RSRP1: variants seen among roughly 807,000 people sequenced by gnomAD.
RSRP1 encodes arginine and serine rich protein 1.
In RSRP1, 37 loss-of-function variants were observed where a neutral mutation model predicts 33.0. The ratio of observed to expected loss-of-function variants is 1.12; its 90% CI spans 0.86 to 1.48. The LOEUF (loss-of-function observed/expected upper bound fraction) is 1.48, where lower values mean the gene tolerates loss of function less well. Among genes scored for constraint, RSRP1 ranks in the 40% most tolerant of loss-of-function variants. RSRP1 has a pLI of 0.00. For synonymous variants in RSRP1, 167 were observed against 158.7 expected, an observed-to-expected ratio of 1.05 and a Z score of -0.40; for missense variants, 402 against 385.3, an observed-to-expected ratio of 1.04 and a Z score of -0.36.
At chr1:25,297,072 AT>A (rs1181276788) in intron 1 of RSRP1, among the ~76,000 whole-genome samples, 6 of 128,728 alleles carry the variant, frequency 4.7e-5, no homozygotes, top group Admixed American at 4.6e-4. Context: ...AAAAATATAT[AT>A]TTTTTGTGGT....
intron 1 of RSRP1, chr1:25,336,957 T>C (rs1297517743): frequency 6.6e-6 from 1 of 152,084 alleles, no homozygotes; most frequent in South Asian, 2.1e-4. Context: ...ACAGTCACCT[T>C]GGTTCCCATC....
chr1:25,285,797 T>C (rs1641933948), intron 1 of RSRP1, among the ~76,000 whole-genome samples: 1 of 135,098 alleles, frequency 7.4e-6, no homozygotes. Context: ...TGTTCAAACC[T>C]CTGAATCCCT....
In RSRP1 at chr1:25,303,770, CTTCT is replaced by C. The variant is rs1318657646; in HGVS notation, c.-67+34204_-67+34207del. Reference sequence around the variant, plus strand: ...GGGGAGCCCCGAAGCCCCTGTTTTACTTCTTTCTTTGCTTTTCCTGAATATCTGC... The same window carrying C: ...GGGGAGCCCCGAAGCCCCTGTTTTACTTCTTTGCTTTTCCTGAATATCTGC... On this transcript the variant is annotated intron_variant, in intron 1 of 1. Transcript: ENST00000561867. 1.1e-4 allele frequency among the ~76,000 whole-genome samples: 14 copies of C among 131,470 alleles called. 2 individuals carry two copies. Among genetic ancestry groups the C allele is most frequent in the Admixed American group, 2.2e-4 (3 of 13,656 alleles). 86.2% of individuals were successfully genotyped at this position (131,470 alleles called of 152,430 possible).
chr1:25,264,145 C>A (rs1269934987), intron 1 of RSRP1, among the ~76,000 whole-genome samples: 1 of 151,888 alleles, frequency 6.6e-6, no homozygotes, highest in Non-Finnish European at 1.5e-5. Flanking sequence ...GTACACGGTG[C>A]AAGCTGTCGG....
Position 25,267,924 on chromosome 1 carries a change from G to T in RSRP1, c.-66-20895C>A. On this transcript the variant is annotated intron_variant, in intron 1 of 1. Coordinates refer to the RSRP1 transcript ENST00000561867. The stretch of plus-strand genomic sequence containing the variant: ...CCCGGGCATGCGCAGACGCGTTGTT[G>T]TGGTGGGCGTGGCTCCCTCCGGACC... 1.5e-5 allele frequency: 2 copies of T among 132,996 alleles called. 1 individual carries two copies. Among genetic ancestry groups the T allele is most frequent in the Non-Finnish European group, 3.6e-5 (2 of 55,986 alleles). 8.2% of individuals were successfully genotyped at this position (132,996 alleles called of 1,614,324 possible).
intron 1 of RSRP1, among the ~76,000 whole-genome samples, chr1:25,260,441 C>T (rs1397846476): frequency 4.0e-5 from 6 of 151,656 alleles, no homozygotes; most frequent in African/African-American, 1.2e-4. Flanking sequence ...ATTTTTTTTT[C>T]CCTACACAGC....
chr1:25,255,108 C>T (rs1182127724), intron 1 of RSRP1, among the ~76,000 whole-genome samples: 1 of 152,170 alleles, frequency 6.6e-6, no homozygotes, highest in African/African-American at 2.4e-5. Context: ...TTATGTTACA[C>T]AAACTTCACA....
At chr1:25,278,964 A>T (rs1174635324) in intron 1 of RSRP1, among the ~76,000 whole-genome samples, 1 of 129,234 alleles carries the variant, frequency 7.7e-6, no homozygotes, top group African/African-American at 2.7e-5. Flanking sequence ...GGTCAACCCT[A>T]GAGCCTGGGA....
rs1411770678 is a variant in RSRP1, at chr1:25,270,240, A to C, written c.-66-23211T>G. Among the ~76,000 whole-genome samples the C allele has an allele frequency of 1.5e-5, 2 of 130,878 alleles. 1 individual carries two copies. The highest frequency in any genetic ancestry group is 5.2e-5 in the African/African-American group (2 of 38,120). The allele number at this position is 130,878 out of a possible 152,430, so 85.9% of individuals were successfully genotyped here. A position where few individuals can be genotyped will look rare whatever the true frequency, so the allele number is the denominator to read the frequency against. ...CCTCCCCCTTAATTGCTGTTGGGGT[A>C]GCAGAGGGCTTAGAAGCCCATGTTC... On this transcript the variant is annotated intron_variant, in intron 1 of 1. Transcript: ENST00000561867.
chr1:25,262,121 G>A (rs567674433), intron 1 of RSRP1, among the ~76,000 whole-genome samples: 15 of 152,238 alleles, frequency 9.9e-5, no homozygotes, highest in African/African-American at 3.6e-4. Context: ...TGATTCTGGG[G>A]ATATATCCAT....
chr1:25,270,887 C>A (rs1281786259), intron 1 of RSRP1, among the ~76,000 whole-genome samples: 1 of 130,996 alleles, frequency 7.6e-6, no homozygotes, highest in Admixed American at 7.5e-5. Context: ...ATGTATAAAG[C>A]AAAATTAACC....
chr1:25,311,548 A>G lies in RSRP1; in HGVS notation c.-67+26430T>C, dbSNP rs532634853. On this transcript the variant is annotated intron_variant, in intron 1 of 1. Transcript: ENST00000561867. Reference sequence around the variant, plus strand: ...TCAAAAAGAAAAAAAAAAGGAAGAAAGAAAATTAGTACACATAGAACAAAG... The same window carrying G: ...TCAAAAAGAAAAAAAAAAGGAAGAAGGAAAATTAGTACACATAGAACAAAG... 5.3e-5 allele frequency among the ~76,000 whole-genome samples: 7 copies of G among 131,330 alleles called. 1 individual carries two copies. Among genetic ancestry groups the G allele is most frequent in the Admixed American group, 5.2e-4 (7 of 13,572 alleles). The allele number at this position is 131,330 out of a possible 152,430, so 86.2% of individuals were successfully genotyped here.
rs1460963124 is a variant in RSRP1 at position 25,305,290 on chromosome 1, G to A, written c.-67+32688C>T. 9.1e-5 allele frequency among the ~76,000 whole-genome samples: 12 copies of A among 132,376 alleles called. 2 individuals are homozygous for A. The highest frequency in any genetic ancestry group is 5.4e-5 in the Non-Finnish European group (3 of 55,982). The allele number at this position is 132,376 out of a possible 152,430, so 86.8% of individuals were successfully genotyped here. The stretch of plus-strand genomic sequence containing the variant: ...GAAACAGACATTCTAAAGGCATAGG[G>A]TCCACCCAGGAGCATGGTGGACCCA... On this transcript the variant is annotated intron_variant, in intron 1 of 1. Coordinates refer to the RSRP1 transcript ENST00000561867.
rs1485135341 is a variant in RSRP1 at position 25,292,323 on chromosome 1, A to G, written c.-66-45294T>C. 1.5e-5 allele frequency among the ~76,000 whole-genome samples: 2 copies of G among 132,876 alleles called. 1 individual carries two copies. Among genetic ancestry groups the G allele is most frequent in the East Asian group, 3.9e-4 (2 of 5,132 alleles). The allele number at this position is 132,876 out of a possible 152,430, so 87.2% of individuals were successfully genotyped here. A position where few individuals can be genotyped will look rare whatever the true frequency, so the allele number is the denominator to read the frequency against. ...TTAAGATACTCTGGCTTCTGGGTTC[A>G]GAAAAGACTGAAGGGGCAAGAGAGG... On this transcript the variant is annotated intron_variant, in intron 1 of 1. Coordinates refer to the RSRP1 transcript ENST00000561867.
upstream of RSRP1, among the ~76,000 whole-genome samples, chr1:25,250,762 G>A (rs56899010): frequency 0.029 from 4,371 of 152,248 alleles, 216 homozygotes; most frequent in African/African-American, 0.099. Flanking sequence ...TGTAATCCCA[G>A]CACTTTGGGA....
At chr1:25,313,473 G>C (rs1307551413) in intron 1 of RSRP1, among the ~76,000 whole-genome samples, 1 of 132,778 alleles carries the variant, frequency 7.5e-6, no homozygotes, top group Non-Finnish European at 1.8e-5. Flanking sequence ...CATCCAGGTT[G>C]TTAAGCATTG....
intron 1 of RSRP1, among the ~76,000 whole-genome samples, chr1:25,256,746 T>C (rs1369436503): frequency 6.6e-6 from 1 of 152,160 alleles, no homozygotes; most frequent in South Asian, 2.1e-4. Flanking sequence ...ATTACAGGCG[T>C]GAGTCACCGT....
rs781297552 is a variant in RSRP1 at position 25,315,039 on chromosome 1, C to T, written c.-67+22939G>A. Among the ~76,000 whole-genome samples, 3 of 129,194 alleles carry T rather than the reference C, an allele frequency of 2.3e-5. No homozygotes were observed. The East Asian group carries it at 5.9e-4, about 25-fold the overall frequency. The allele number at this position is 129,194 out of a possible 152,430, so 84.8% of individuals were successfully genotyped here. A position where few individuals can be genotyped will look rare whatever the true frequency, so the allele number is the denominator to read the frequency against. The stretch of plus-strand genomic sequence containing the variant: ...CCAACATGGTGAAGCCCTGTGCCTA[C>T]TAAAAATACAAAAAATTAGCTGGGC... On this transcript the variant is annotated intron_variant, in intron 1 of 1. Transcript: ENST00000561867.
chr1:25,306,136 C>T lies in RSRP1; in HGVS notation c.-67+31842G>A, dbSNP rs1194452000. Among the ~76,000 whole-genome samples, 2 of 131,468 alleles carry T rather than the reference C, an allele frequency of 1.5e-5. 1 individual carries two copies. Among genetic ancestry groups the T allele is most frequent in the Non-Finnish European group, 3.6e-5 (2 of 55,760 alleles). The allele number at this position is 131,468 out of a possible 152,430, so 86.2% of individuals were successfully genotyped here. On this transcript the variant is annotated intron_variant, in intron 1 of 1. Transcript: ENST00000561867. ...AGACCAGTGGGTCTTGGTCACCCCC[C>T]AGGGGACATCTTACAATGTCTGGAG... is the stretch of plus-strand genomic sequence containing the variant.
Sources: gnomAD v4.1 joint callset for allele counts (sites outside exome capture counted in the v4.1 genomes callset) on GRCh38, gnomAD v4.1.1 for gene constraint, MANE v1.5 for transcripts, NCBI Gene and HGNC (gene_info 2026-07-23, HGNC 2026-07-21) for gene names.